The following PTCH2 variants were observed in gnomAD, a reference collection of about 807,000 sequenced individuals.
The protein encoded by PTCH2 is protein patched homolog 2.
A neutral mutation model predicts 117.9 loss-of-function variants in PTCH2; 96 were observed. That is an observed-to-expected ratio of 0.81 (90% CI 0.69 to 0.96). The LOEUF is 0.96. Ranked by LOEUF, PTCH2 falls within the 50% of genes least tolerant of loss-of-function variation. The pLI is 0.00. For synonymous variants in PTCH2, 615 were observed against 660.9 expected, an observed-to-expected ratio of 0.93 and a Z score of 1.06; for missense variants, 1,379 against 1,562.5, an observed-to-expected ratio of 0.88 and a Z score of 1.98.
rs200222283 is a variant in PTCH2, at chr1:44,823,153, C to T, written c.3273G>A (p.Ala1091=). ...GGCCCAGGAGCGTGAGCACTGTCAG[C>T]GCCGCAAAGAAGTACCTAGGGGTAG... The part of the protein sequence containing the change: ...FDFIVRYFFA[A]LTVLTLLGLL... The change falls in exon 21 of 22, where the codon GCG becomes GCA. Residue 1091 remains alanine, a synonymous_variant. Coordinates refer to ENST00000372192, the MANE Select transcript of PTCH2 (RefSeq NM_003738.5). This position sits in a 1 kb window ranked among gnomAD's most constrained non-coding sequence, Gnocchi z 5.1. 1.4e-5 allele frequency: 22 copies of T among 1,614,070 alleles called. No homozygotes were observed. Among genetic ancestry groups the T allele is most frequent in the South Asian group, 9.9e-5 (9 of 91,070 alleles).
In PTCH2 at chr1:44,826,779, G is replaced by T; in HGVS notation, c.2696-11C>A. 1 of 1,599,820 alleles carries T rather than the reference G, an allele frequency of 6.3e-7. No individual in the cohort carries two copies. The highest frequency in any genetic ancestry group is 1.1e-5 in the South Asian group (1 of 89,782). ...GCTGAGCTGGCGGGACTGTGGAGGG[G>T]AGGGGAAGGGAGAAGAGGGAGAGGG... On this transcript the variant is annotated splice_polypyrimidine_tract_variant and intron_variant, in intron 17 of 21. Transcript: ENST00000372192. The surrounding 1 kb of genome is among the most constrained non-coding windows in gnomAD (Gnocchi z 5.1).
At chr1:44,824,445 G>A (rs150943129) in intron 19 of PTCH2, among the ~76,000 whole-genome samples, 1 of 151,726 alleles carries the variant, frequency 6.6e-6, no homozygotes, top group Non-Finnish European at 1.5e-5. Flanking sequence ...CTGTATCTCT[G>A]GTATCTTTGT....
chr1:44,827,747 A>G (rs1557644508), intron 14 of PTCH2, 33 bp from the exon 15 acceptor site: 1 of 1,611,264 alleles, frequency 6.2e-7, no homozygotes, highest in Non-Finnish European at 8.5e-7. Context: ...TGGAGACCCC[A>G]GGGCTGCCCC....
intron 2 of PTCH2, among the ~76,000 whole-genome samples, chr1:44,834,542 G>T (rs1653599900): frequency 6.6e-6 from 1 of 152,208 alleles, no homozygotes; most frequent in Non-Finnish European, 1.5e-5. Flanking sequence ...ACAGAGATAA[G>T]CTCTCCATAG....
intron 2 of PTCH2, among the ~76,000 whole-genome samples, chr1:44,840,465 C>T (rs1289116865): frequency 6.7e-6 from 1 of 148,310 alleles, no homozygotes; most frequent in Non-Finnish European, 1.5e-5. Flanking sequence ...AATCCCAGCA[C>T]TTTGGGAGGC....
In PTCH2 at chr1:44,842,897, CG is replaced by C; in HGVS notation, c.35del (p.Pro12ArgfsTer15). The C allele has an allele frequency of 2.0e-6, 3 of 1,526,756 alleles. No individual in the cohort carries two copies. Among genetic ancestry groups the C allele is most frequent in the South Asian group, 1.2e-5 (1 of 83,492 alleles). 94.6% of individuals were successfully genotyped at this position (1,526,756 alleles called of 1,614,324 possible). On this transcript the variant is annotated frameshift_variant, in exon 1 of 22. Transcript: ENST00000372192. LOFTEE classifies it high-confidence loss of function. Reference protein sequence around the residue: ...TRSPPLRELPPSYTPPARTAA... With the variant: ...TRSPPLRELPXSYTPPARTAA... ...CGGTTCGAGCTGGGGGTGTGTAACT[CG>C]GGGGCAGCTCTCTGAGGGGCGGCGA...
Position 44,827,951 on chromosome 1 carries a change from C to T in PTCH2, c.1950G>A (p.Glu650=), listed in dbSNP as rs759718196. 10 of 1,614,078 alleles carry T rather than the reference C, an allele frequency of 6.2e-6. No homozygotes were observed. The highest frequency in any genetic ancestry group is 3.3e-5 in the Admixed American group (2 of 60,010). ...TGCAGGCTGCCTTCTGCCTTGTCTC[C>T]TCCTCCTGGCCTAGAAGGTCCCGTG... The part of the protein sequence containing the change: ...GSTRDLLGQE[E]ETRQKAACKS... The change falls in exon 14 of 22, where the codon GAG becomes GAA. Residue 650 remains glutamate, a synonymous_variant. Transcript: ENST00000372192.
In PTCH2 at chr1:44,826,730, A is replaced by C; in HGVS notation, c.2734T>G (p.Phe912Val). Residue 912 changes from phenylalanine to valine, a missense_variant, in exon 18 of 22, where the codon TTC becomes GTC. Coordinates refer to ENST00000372192, the MANE Select transcript of PTCH2 (RefSeq NM_003738.5). The surrounding 1 kb of genome is among the most constrained non-coding windows in gnomAD (Gnocchi z 5.1). Reference protein sequence around the residue: ...AQPLEFAQFPFLLRGLQKTAD... With the variant: ...AQPLEFAQFPVLLRGLQKTAD... ...GTCTTCTGGAGGCCACGCAGCAGGAAGGGGAACTGGGCAAACTCCAAGGGC... is the reference window on the plus strand; with the variant it reads ...GTCTTCTGGAGGCCACGCAGCAGGACGGGGAACTGGGCAAACTCCAAGGGC... 6.3e-7 allele frequency: 1 copy of C among 1,595,800 alleles called. No individual in the cohort carries two copies. Among genetic ancestry groups the C allele is most frequent in the Non-Finnish European group, 8.6e-7 (1 of 1,168,956 alleles).
In PTCH2 at chr1:44,826,730, AG is replaced by A. The variant is rs1425846073; in HGVS notation, c.2733del (p.Phe912SerfsTer81). The A allele has an allele frequency of 6.3e-7, 1 of 1,595,682 alleles. No individual in the cohort carries two copies. Among genetic ancestry groups the A allele is most frequent in the African/African-American group, 1.3e-5 (1 of 74,454 alleles). ...GTCTTCTGGAGGCCACGCAGCAGGA[AG>A]GGGAACTGGGCAAACTCCAAGGGCT... is the stretch of plus-strand genomic sequence containing the variant. The part of the protein sequence containing the change: ...PAQPLEFAQF[P>X]FLLRGLQKTA... On this transcript the variant is annotated frameshift_variant, in exon 18 of 22. Transcript: ENST00000372192. LOFTEE classifies it high-confidence loss of function. The surrounding 1 kb of genome is among the most constrained non-coding windows in gnomAD (Gnocchi z 5.1).
Position 44,829,310 on chromosome 1 carries a change from C to T in PTCH2, c.1218G>A (p.Leu406=), listed in dbSNP as rs2148877355. 6.2e-7 allele frequency: 1 copy of T among 1,613,748 alleles called. No individual in the cohort carries two copies. Among genetic ancestry groups the T allele is most frequent in the East Asian group, 2.2e-5 (1 of 44,880 alleles). The change falls in exon 10 of 22, where the codon CTG becomes CTA. Residue 406 remains leucine, a splice_region_variant and synonymous_variant. Transcript: ENST00000372192. The part of the protein sequence containing the change: ...ARVVGGYLLM[L]AYACVTMLRW... ...GCAGCATGGTCACACAGGCATAGGC[C>T]AGCTGTGGGGGGAAAGGGCAGTCTC...
At chr1:44,828,273 AG>A (rs761409101) in intron 13 of PTCH2, 22 bp downstream of exon 13, 27 of 1,613,344 alleles carry the variant, frequency 1.7e-5, no homozygotes, top group Non-Finnish European at 2.2e-5. Flanking sequence ...CACGGGAGGA[AG>A]GGGCTGGGGC....
intron 19 of PTCH2, among the ~76,000 whole-genome samples, chr1:44,825,676 G>C (rs1157550090): frequency 6.6e-6 from 1 of 151,794 alleles, no homozygotes; most frequent in Non-Finnish European, 1.5e-5. Context: ...ACAGGCATGA[G>C]CCACCACGCC....
downstream of PTCH2, among the ~76,000 whole-genome samples, chr1:44,821,010 TTTG>T (rs1241407748): frequency 6.6e-6 from 1 of 152,170 alleles, no homozygotes; most frequent in Non-Finnish European, 1.5e-5. Context: ...TGTTGTTGTT[TTTG>T]TTGTTGTATC....
chr1:44,821,109 G>C (rs1174206756), downstream of PTCH2, among the ~76,000 whole-genome samples: 1 of 152,118 alleles, frequency 6.6e-6, no homozygotes, highest in Non-Finnish European at 1.5e-5. Flanking sequence ...ATCATTCCTG[G>C]TGAGTGGGTG....
rs2148875968 is a variant in PTCH2, at chr1:44,828,085, A to G, written c.1816T>C (p.Cys606Arg). Residue 606 changes from cysteine to arginine, a missense_variant, in exon 14 of 22, where the codon TGT becomes CGT. Physicochemically the swap from Cys to Arg is radical, Grantham distance 180. Coordinates refer to ENST00000372192, the MANE Select transcript of PTCH2 (RefSeq NM_003738.5). The stretch of plus-strand genomic sequence containing the variant: ...ACCACATGCTGGCTGCTGGCTTCAC[A>G]GTGGGTAAAGGCTTGAACTGTGGCA... ...LTATVQAFTH[C>R]EASSQHVVTI... 6.2e-7 allele frequency: 1 copy of G among 1,614,150 alleles called. No individual in the cohort carries two copies. The highest frequency in any genetic ancestry group is 8.5e-7 in the Non-Finnish European group (1 of 1,180,024).
intron 19 of PTCH2, among the ~76,000 whole-genome samples, chr1:44,824,291 T>C (rs1019952451): frequency 6.6e-6 from 1 of 152,194 alleles, no homozygotes; most frequent in Non-Finnish European, 1.5e-5. Flanking sequence ...ATATATTGTT[T>C]TTATAATCAG....
rs1438532507 is a variant in PTCH2 at position 44,841,841 on chromosome 1, A to T, written c.265+6T>A. ...TGAGCAGCTATGGCCAGTGTCCACA[A>T]CTTACCTTCTACCCAGAGCTGTTCC... On this transcript the variant is annotated splice_donor_region_variant and intron_variant, in intron 2 of 21. Transcript: ENST00000372192. The T allele has an allele frequency of 6.2e-7, 1 of 1,614,048 alleles. No homozygotes were observed. The highest frequency in any genetic ancestry group is 2.2e-5 in the East Asian group (1 of 44,890).
chr1:44,821,214 T>C (rs1652898061), downstream of PTCH2, among the ~76,000 whole-genome samples: 3 of 152,114 alleles, frequency 2.0e-5, no homozygotes, highest in Admixed American at 2.0e-4. Context: ...TAGGTGAGGC[T>C]CTGTGCTCTA....
In PTCH2 at chr1:44,832,318, G is replaced by A; in HGVS notation, c.289C>T (p.Leu97=). ...VEVGSRVSQE[L]HYTKEKLGEE... ...CCCAGCTTCTCCTTGGTGTAATGCA[G>A]CTCCTGGCTCACCCGGCTGCCCACT... is the stretch of plus-strand genomic sequence containing the variant. The change falls in exon 3 of 22, where the codon CTG becomes TTG. Residue 97 remains leucine, a synonymous_variant. Coordinates refer to ENST00000372192, the MANE Select transcript of PTCH2 (RefSeq NM_003738.5). The A allele has an allele frequency of 6.2e-7, 1 of 1,614,218 alleles. No individual in the cohort carries two copies. Among genetic ancestry groups the A allele is most frequent in the Non-Finnish European group, 8.5e-7 (1 of 1,180,052 alleles).
Sources: gnomAD v4.1 joint callset for allele counts (sites outside exome capture counted in the v4.1 genomes callset) on GRCh38, gnomAD v4.1.1 for gene constraint, Gnocchi (gnomAD v3.1) non-coding constraint, MANE v1.5 for transcripts, NCBI Gene and HGNC (gene_info 2026-07-23, HGNC 2026-07-21) for gene names.